HMGB1: variants seen among roughly 807,000 people sequenced by gnomAD.
The protein encoded by HMGB1 is high mobility group box 1.
For missense variants in HMGB1, 79 were observed against 253.5 expected (o/e 0.31, Z 4.67); for synonymous variants, 81 against 84.0 (o/e 0.96, Z 0.19).
intron 1 of HMGB1, among the ~76,000 whole-genome samples, chr13:30,545,278 AC>A (rs1869095852): frequency 6.6e-6 from 1 of 151,990 alleles, no homozygotes. Flanking sequence ...TCAAAACAAA[AC>A]GACAATAACA....
intron 1 of HMGB1, among the ~76,000 whole-genome samples, chr13:30,464,899 G>GGC (rs918870958): frequency 2.1e-5 from 3 of 142,578 alleles, no homozygotes; most frequent in Non-Finnish European, 4.7e-5. Context: ...AGGGGCGGGG[G>GGC]GCGCGCGGCC....
At chr13:30,558,738 G>C (rs1172073346) in intron 1 of HMGB1, among the ~76,000 whole-genome samples, 2 of 152,156 alleles carry the variant, frequency 1.3e-5, no homozygotes, top group East Asian at 3.8e-4. Flanking sequence ...AAAACCCCAG[G>C]AGCTTTCTTT....
At chr13:30,514,071 C>G (rs7337420) in intron 1 of HMGB1, among the ~76,000 whole-genome samples, 108,537 of 151,746 alleles carry the variant, frequency 0.72, 39,657 homozygotes, top group East Asian at 0.94. Flanking sequence ...TCCATCCACT[C>G]TCTCTTCATA....
In HMGB1 at chr13:30,465,860, T is replaced by C. The variant is rs1593258983; in HGVS notation, c.-79A>G. The C allele has an allele frequency of 4.1e-6, 4 of 985,774 alleles. No individual in the cohort carries two copies. Among genetic ancestry groups the C allele is most frequent in the Non-Finnish European group, 4.8e-6 (4 of 829,860 alleles). 61.1% of individuals were successfully genotyped at this position (985,774 alleles called of 1,614,324 possible). A position where few individuals can be genotyped will look rare whatever the true frequency, so the allele number is the denominator to read the frequency against. ...CTCACTTGCCCCGGTGCTGTCTCTA[T>C]GGAGCTCAATGTACTGCAATGGCTG... is the stretch of plus-strand genomic sequence containing the variant. On this transcript the variant is annotated 5_prime_UTR_variant, in exon 1 of 5. Transcript: ENST00000341423.
chr13:30,530,678 A>C (rs9578182), intron 1 of HMGB1, among the ~76,000 whole-genome samples: 8,558 of 152,324 alleles, frequency 0.056, 343 homozygotes, highest in Middle Eastern at 0.11. Flanking sequence ...GTTCTTAAAA[A>C]AGACATAGTA....
chr13:30,465,825 C>T lies in HMGB1; in HGVS notation c.-44G>A. The T allele has an allele frequency of 1.0e-6, 1 of 985,704 alleles. No individual in the cohort carries two copies. The highest frequency in any genetic ancestry group is 1.2e-6 in the Non-Finnish European group (1 of 829,798). The allele number at this position is 985,704 out of a possible 1,614,324, so 61.1% of individuals were successfully genotyped here. A position where few individuals can be genotyped will look rare whatever the true frequency, so the allele number is the denominator to read the frequency against. On this transcript the variant is annotated 5_prime_UTR_variant, in exon 1 of 5. Transcript: ENST00000341423. The stretch of plus-strand genomic sequence containing the variant: ...AGCGAGGCACAGAGTCGCCCAGTGC[C>T]CGTCCGGCTCTCACTTGCCCCGGTG...
intron 1 of HMGB1, among the ~76,000 whole-genome samples, chr13:30,563,830 T>C (rs1870067192): frequency 6.6e-6 from 1 of 152,186 alleles, no homozygotes; most frequent in Non-Finnish European, 1.5e-5. Context: ...TCATTGCTAA[T>C]GAAGATGTGG....
chr13:30,553,573 G>C (rs1869532013), intron 1 of HMGB1: 1 of 538,506 alleles, frequency 1.9e-6, no homozygotes, highest in African/African-American at 1.9e-5. Context: ...ACTTCCTTGA[G>C]TAATGATTGA....
At chr13:30,522,996 G>A (rs1888275118) in intron 1 of HMGB1, among the ~76,000 whole-genome samples, 1 of 152,238 alleles carries the variant, frequency 6.6e-6, no homozygotes, top group South Asian at 2.1e-4. Flanking sequence ...TTACAGGCGT[G>A]AGCCACTGTG....
intron 1 of HMGB1, among the ~76,000 whole-genome samples, chr13:30,506,376 G>A (rs1481204343): frequency 2.6e-5 from 4 of 152,336 alleles, no homozygotes; most frequent in Admixed American, 6.5e-5. Flanking sequence ...AAGGTCAGCT[G>A]CGTTCCCAGA....
At chr13:30,494,929 G>T (rs930142530) in intron 1 of HMGB1, among the ~76,000 whole-genome samples, 3 of 152,104 alleles carry the variant, frequency 2.0e-5, no homozygotes, top group Admixed American at 1.3e-4. Context: ...TGCAGTATTT[G>T]TACTTCTGTG....
intron 1 of HMGB1, among the ~76,000 whole-genome samples, chr13:30,608,992 C>T (rs772354902): frequency 9.9e-5 from 15 of 152,090 alleles, no homozygotes; most frequent in African/African-American, 2.7e-4. Flanking sequence ...CCGGGCGCGG[C>T]GGCTCACGCC....
chr13:30,594,923 T>C (rs1398091083), intron 1 of HMGB1, among the ~76,000 whole-genome samples: 1 of 152,232 alleles, frequency 6.6e-6, no homozygotes, highest in Non-Finnish European at 1.5e-5. Context: ...AGAGATGGTG[T>C]CTCATTGTAG....
At chr13:30,487,475 T>C (rs1262573286) in intron 1 of HMGB1, among the ~76,000 whole-genome samples, 1 of 152,196 alleles carries the variant, frequency 6.6e-6, no homozygotes, top group East Asian at 1.9e-4. Context: ...ATGCAGAGGG[T>C]TGCAGAAAAA....
upstream of HMGB1, among the ~76,000 whole-genome samples, chr13:30,466,308 C>T (rs1366462772): frequency 1.5e-5 from 2 of 129,064 alleles, no homozygotes; most frequent in African/African-American, 5.8e-5. Context: ...CCCCCCCCTT[C>T]TTGCCCCACA....
intron 1 of HMGB1, among the ~76,000 whole-genome samples, chr13:30,573,903 C>A (rs1326809684): frequency 4.6e-5 from 7 of 152,184 alleles, no homozygotes; most frequent in African/African-American, 1.7e-4. Context: ...ATCTACCCAA[C>A]TCAGCCTCCC....
chr13:30,564,913 AAC>A (rs1870126038), intron 1 of HMGB1, among the ~76,000 whole-genome samples: 1 of 152,246 alleles, frequency 6.6e-6, no homozygotes, highest in South Asian at 2.1e-4. Flanking sequence ...GATAATGTGT[AAC>A]ACTTTAGTGA....
At position 30,526,336 on chromosome 13, in the gene HMGB1, C is replaced by T. The variant is rs373005358; in HGVS notation, c.-14-62642G>A. Among the ~76,000 whole-genome samples the T allele has an allele frequency of 2.3e-3, 346 of 152,300 alleles. 2 individuals are homozygous for T. Among genetic ancestry groups the T allele is most frequent in the South Asian group, 9.5e-3 (46 of 4,830 alleles). ...CCTCCCAAAGTGCTGGGTTTATAGGCGCAAGCCACTACGCCTGGCCCAAAC... is the reference window on the plus strand; with the variant it reads ...CCTCCCAAAGTGCTGGGTTTATAGGTGCAAGCCACTACGCCTGGCCCAAAC... On this transcript the variant is annotated intron_variant, in intron 1 of 4. Coordinates refer to the HMGB1 transcript ENST00000405805.
rs1028952467 is a variant in HMGB1, at chr13:30,465,544, G to A, written c.-15+252C>T. On this transcript the variant is annotated intron_variant, in intron 1 of 4. Transcript: ENST00000341423. ...TGCGCCAGTCAGCGCGGACGCCGCC[G>A]GGGGTGGAAACTCGCGGGGCGCGGG... 5.0e-4 allele frequency among the ~76,000 whole-genome samples: 76 copies of A among 151,202 alleles called. 2 individuals carry two copies. Among genetic ancestry groups the A allele is most frequent in the Admixed American group, 4.7e-3 (72 of 15,224 alleles).
Sources: allele counts gnomAD v4.1 joint callset (sites outside exome capture counted in the v4.1 genomes callset), GRCh38; gene constraint gnomAD v4.1.1; transcripts MANE v1.5; gene names NCBI Gene and HGNC (gene_info 2026-07-23, HGNC 2026-07-21).